Variants in EPHA5 observed in about 807,000 individuals in gnomAD.
EPHA5 encodes the protein ephrin type-A receptor 5.
In EPHA5, 60 loss-of-function variants were observed where a neutral mutation model predicts 105.0. That is an observed-to-expected ratio of 0.57 (90% confidence interval 0.46 to 0.71). The LOEUF (loss-of-function observed/expected upper bound fraction) is 0.71, where lower values mean the gene tolerates loss of function less well. EPHA5 is among the 30% of genes least tolerant of loss of function. The probability of loss-of-function intolerance (pLI) is 0.00; values close to 1 mark genes in which losing one functional copy is unlikely to be tolerated. For missense variants in EPHA5, 1,218 were observed against 1,274.7 expected, an observed-to-expected ratio of 0.96 and a Z score of 0.68; for synonymous variants, 513 against 449.1, an observed-to-expected ratio of 1.14 and a Z score of -1.80.
intron 14 of EPHA5, among the ~76,000 whole-genome samples, chr4:65,338,449 T>C (rs1721390859): frequency 6.6e-6 from 1 of 152,102 alleles, no homozygotes; most frequent in African/African-American, 2.4e-5. Context: ...TACCAATTAA[T>C]TCGATTTTTT....
chr4:65,518,854 A>T (rs1212282824), intron 3 of EPHA5, among the ~76,000 whole-genome samples: 2 of 152,132 alleles, frequency 1.3e-5, no homozygotes, highest in African/African-American at 2.4e-5. Context: ...GTCTAGGACC[A>T]GACAGATTCA....
intron 2 of EPHA5, among the ~76,000 whole-genome samples, chr4:65,636,451 A>G (rs772551485): frequency 1.1e-4 from 17 of 152,084 alleles, no homozygotes; most frequent in Admixed American, 7.9e-4. Context: ...ATGACCTGGG[A>G]TTGAAATGGA....
In EPHA5 at chr4:65,596,933, A is replaced by G. The variant is rs1359517574; in HGVS notation, c.910+4708T>C. Among the ~76,000 whole-genome samples the G allele has an allele frequency of 1.9e-4, 29 of 152,178 alleles. 1 individual carries two copies. The highest frequency in any genetic ancestry group is 1.5e-5 in the Non-Finnish European group (1 of 68,026). On this transcript the variant is annotated intron_variant, in intron 3 of 16. Coordinates refer to ENST00000613740, the MANE Select transcript of EPHA5 (RefSeq NM_001281766.3). ...CACCTAATATACCTAATATATTTCC[A>G]GCCAATTTTGCTTCAATCATAAATA...
At chr4:65,527,189 G>A (rs1331163275) in intron 3 of EPHA5, among the ~76,000 whole-genome samples, 1 of 152,028 alleles carries the variant, frequency 6.6e-6, no homozygotes. Context: ...TATATGTTGA[G>A]CCATATATTA....
intron 5 of EPHA5, among the ~76,000 whole-genome samples, chr4:65,483,946 G>C (rs1252114433): frequency 6.6e-6 from 1 of 152,112 alleles, no homozygotes. Flanking sequence ...AAGAAAAAAG[G>C]CTGGTGCTTA....
chr4:65,535,425 G>A (rs1332873976), intron 3 of EPHA5, among the ~76,000 whole-genome samples: 9 of 152,202 alleles, frequency 5.9e-5, no homozygotes, highest in Non-Finnish European at 4.4e-5. Context: ...GGACATGTAA[G>A]TCTCAAACCA....
In EPHA5 at chr4:65,643,424, T is replaced by A. The variant is rs2149514985; in HGVS notation, c.185A>T (p.Asn62Ile). 6.2e-7 allele frequency: 1 copy of A among 1,612,722 alleles called. No individual in the cohort carries two copies. Among genetic ancestry groups the A allele is most frequent in the Non-Finnish European group, 8.5e-7 (1 of 1,179,068 alleles). Residue 62 changes from asparagine (N) to isoleucine (I), a missense_variant, in exon 2 of 17, where the codon AAT becomes ATT. Physicochemically the swap from Asn to Ile is moderately radical, Grantham distance 149 (BLOSUM62 -3). Around this residue, in one of 3 missense-constraint regions of EPHA5, gnomAD observed 233 missense variants for 227.5 expected, o/e 1.02. Coordinates refer to ENST00000613740, the MANE Select transcript of EPHA5 (RefSeq NM_001281766.3). Reference sequence around the variant, plus strand: ...CATGACAGTGCGTGAATCCAATAAATTCACTGAAAAGAAAAGAACAAAAAA... The same window carrying A: ...CATGACAGTGCGTGAATCCAATAAAATCACTGAAAAGAAAAGAACAAAAAA... ...TLLASPSNEV[N>I]LLDSRTVMGD...
At chr4:65,415,228 T>C (rs17082122) in intron 6 of EPHA5, among the ~76,000 whole-genome samples, 22,272 of 152,098 alleles carry the variant, frequency 0.15, 2,128 homozygotes, top group East Asian at 0.3. Context: ...AGAAATCACA[T>C]GCTCAAATAT....
chr4:65,491,433 T>C (rs1413864663), intron 4 of EPHA5, among the ~76,000 whole-genome samples: 1 of 151,972 alleles, frequency 6.6e-6, no homozygotes, highest in Non-Finnish European at 1.5e-5. Flanking sequence ...AGGACTACAA[T>C]AGGATGAATA....
rs151266961 is a variant in EPHA5, at chr4:65,556,565, A to G, written c.910+45076T>C. Among the ~76,000 whole-genome samples, 10 of 152,304 alleles carry G rather than the reference A, an allele frequency of 6.6e-5. No homozygotes were observed. In the East Asian group the frequency reaches 1.9e-3, roughly 29 times the overall value. On this transcript the variant is annotated intron_variant, in intron 3 of 16. Transcript: ENST00000613740. ...TGTGTTTAGTAAAACTAATTTCTCCAATGGGATCAGGTTCACAGTGATCCA... is the reference window on the plus strand; with the variant it reads ...TGTGTTTAGTAAAACTAATTTCTCCGATGGGATCAGGTTCACAGTGATCCA...
At chr4:65,593,847 A>C (rs1742917662) in intron 3 of EPHA5, among the ~76,000 whole-genome samples, 2 of 152,194 alleles carry the variant, frequency 1.3e-5, no homozygotes, top group Non-Finnish European at 2.9e-5. Context: ...GATCAATTTT[A>C]ATGTTTGAAG....
intron 4 of EPHA5, among the ~76,000 whole-genome samples, chr4:65,493,716 G>A (rs557875321): frequency 2.8e-4 from 42 of 151,892 alleles, no homozygotes; most frequent in African/African-American, 9.7e-4. Flanking sequence ...GTGGGCTTTG[G>A]TCCTAAAAAA....
At chr4:65,551,290 A>G (rs1307697034) in intron 3 of EPHA5, among the ~76,000 whole-genome samples, 11 of 147,828 alleles carry the variant, frequency 7.4e-5, no homozygotes, top group African/African-American at 2.2e-4. Flanking sequence ...GTATATATAT[A>G]TATATATATA....
intron 3 of EPHA5, among the ~76,000 whole-genome samples, chr4:65,516,581 T>TATGTCTGTGTGTCTGTG (rs1734128458): frequency 1.3e-5 from 2 of 151,980 alleles, no homozygotes; most frequent in Admixed American, 1.3e-4. Context: ...CGCGCGTGCA[T>TATGTCTGTGTGTCTGTG]ATGTCTGTGT....
At chr4:65,518,642 C>G (rs4604104) in intron 3 of EPHA5, among the ~76,000 whole-genome samples, 21,832 of 151,884 alleles carry the variant, frequency 0.14, 2,151 homozygotes, top group East Asian at 0.36. Context: ...TATGTTCTTA[C>G]GTCAGATGTA....
At chr4:65,589,739 A>G (rs1742456201) in intron 3 of EPHA5, among the ~76,000 whole-genome samples, 1 of 152,188 alleles carries the variant, frequency 6.6e-6, no homozygotes, top group African/African-American at 2.4e-5. Context: ...TTAGCATTGG[A>G]AAATATTGGG....
chr4:65,542,529 T>C (rs1194300935), intron 3 of EPHA5, among the ~76,000 whole-genome samples: 1 of 151,762 alleles, frequency 6.6e-6, no homozygotes, highest in Non-Finnish European at 1.5e-5. Context: ...CACAAAGAAG[T>C]CGAATCCCTG....
At chr4:65,553,653 C>G (rs920258305) in intron 3 of EPHA5, among the ~76,000 whole-genome samples, 1 of 151,962 alleles carries the variant, frequency 6.6e-6, no homozygotes, top group Non-Finnish European at 1.5e-5. Flanking sequence ...AAATGCGGAT[C>G]ACAGTAGCTG....
At chr4:65,429,046 T>C (rs376361185) in intron 5 of EPHA5, among the ~76,000 whole-genome samples, 1 of 152,062 alleles carries the variant, frequency 6.6e-6, no homozygotes, top group East Asian at 1.9e-4. Context: ...TCATTACTTG[T>C]TATTATCCTA....
Sources: allele counts gnomAD v4.1 joint callset (sites outside exome capture counted in the v4.1 genomes callset), GRCh38; gene constraint gnomAD v4.1.1; regional missense constraint gnomAD v4.1.1; transcripts MANE v1.5; gene names NCBI Gene and HGNC (gene_info 2026-07-23, HGNC 2026-07-21).